The following L3MBTL4 variants were observed in gnomAD, a reference collection of about 807,000 sequenced individuals.
L3MBTL4 encodes L3MBTL histone methyl-lysine binding protein 4.
In L3MBTL4, 70 loss-of-function variants were observed where a neutral mutation model predicts 84.5. That is an observed-to-expected ratio of 0.83 (90% confidence interval 0.68 to 1.01). The LOEUF (loss-of-function observed/expected upper bound fraction) is 1.01. Ranked by LOEUF, L3MBTL4 falls within the 50% of genes least tolerant of loss-of-function variation. The pLI is 0.00. For synonymous variants in L3MBTL4, 274 were observed against 259.8 expected (o/e 1.05, Z -0.52); for missense variants, 715 against 754.8 (o/e 0.95, Z 0.62).
chr18:6,151,866 C>T (rs908920962), intron 13 of L3MBTL4, among the ~76,000 whole-genome samples: 2 of 152,150 alleles, frequency 1.3e-5, no homozygotes, highest in African/African-American at 4.8e-5. Flanking sequence ...CAAGTTTGTA[C>T]ATTTGGCCAA....
At position 6,140,603 on chromosome 18, in the gene L3MBTL4, G is replaced by A. The variant is rs542263723; in HGVS notation, c.1097-2307C>T. Among the ~76,000 whole-genome samples, 6 of 152,114 alleles carry A rather than the reference G, an allele frequency of 3.9e-5. No individual in the cohort carries two copies. In the South Asian group the frequency reaches 1.0e-3, roughly 26 times the overall value. On this transcript the variant is annotated intron_variant, in intron 13 of 18. Coordinates refer to ENST00000317931, the MANE Select transcript of L3MBTL4 (RefSeq NM_001330559.2). ...TCCCCTCCTTCCTTTCCACTGCAGT[G>A]TGGGACGCACTTTCCCCTCTCCAAA... is the stretch of plus-strand genomic sequence containing the variant.
At chr18:6,232,439 G>T (rs1395879011) in intron 10 of L3MBTL4, among the ~76,000 whole-genome samples, 1 of 151,960 alleles carries the variant, frequency 6.6e-6, no homozygotes, top group Non-Finnish European at 1.5e-5. Flanking sequence ...TCTGTTTTTT[G>T]GAAAAGTTTG....
At position 6,006,750 on chromosome 18, in the gene L3MBTL4, C is replaced by A. The variant is rs79676070; in HGVS notation, c.1445-37188G>T. Among the ~76,000 whole-genome samples, 500 of 152,252 alleles carry A rather than the reference C, an allele frequency of 3.3e-3. 5 individuals carry two copies. The highest frequency in any genetic ancestry group is 0.012 in the African/African-American group (487 of 41,550). On this transcript the variant is annotated intron_variant, in intron 16 of 18. Transcript: ENST00000317931. ...ATAGTTAAATAATGTGGCACAAGTA[C>A]ATAGACAGACCAACAGAGCAGAATA...
intron 16 of L3MBTL4, 22 bp from the exon 17 acceptor site, chr18:5,969,584 G>A: frequency 6.4e-7 from 1 of 1,571,674 alleles, no homozygotes; most frequent in Non-Finnish European, 8.7e-7. Context: ...GTGGGGTGGG[G>A]TGAGGCTCAG....
chr18:6,174,688 G>A (rs3865424), intron 12 of L3MBTL4, among the ~76,000 whole-genome samples: 21,676 of 150,946 alleles, frequency 0.14, 1,670 homozygotes, highest in Middle Eastern at 0.21. Flanking sequence ...TGGCCAACAC[G>A]GTGAAGCCCC....
At chr18:6,120,234 C>T (rs1346589376) in intron 14 of L3MBTL4, among the ~76,000 whole-genome samples, 2 of 152,194 alleles carry the variant, frequency 1.3e-5, no homozygotes, top group Non-Finnish European at 2.9e-5. Context: ...CCACGTGCCT[C>T]CTAAGGTGGT....
At chr18:6,076,960 C>T (rs2057875754) in intron 16 of L3MBTL4, among the ~76,000 whole-genome samples, 1 of 152,126 alleles carries the variant, frequency 6.6e-6, no homozygotes, top group African/African-American at 2.4e-5. Context: ...CAGGACAGAG[C>T]ACCTGGATGA....
intron 5 of L3MBTL4, among the ~76,000 whole-genome samples, chr18:6,257,054 A>G (rs966883459): frequency 6.6e-6 from 1 of 152,204 alleles, no homozygotes; most frequent in Non-Finnish European, 1.5e-5. Context: ...CAAGTCATCT[A>G]TATGCCAGGC....
intron 14 of L3MBTL4, among the ~76,000 whole-genome samples, chr18:6,126,486 T>C (rs1002843964): frequency 6.6e-6 from 1 of 152,202 alleles, no homozygotes; most frequent in African/African-American, 2.4e-5. Flanking sequence ...AAGGATACAG[T>C]TCCTACAACC....
At chr18:6,408,439 A>G (rs2055825848) in intron 1 of L3MBTL4, among the ~76,000 whole-genome samples, 1 of 152,216 alleles carries the variant, frequency 6.6e-6, no homozygotes, top group Non-Finnish European at 1.5e-5. Flanking sequence ...TGTTTCTCTT[A>G]GCAGTATCCT....
chr18:6,309,903 A>G (rs971738782), intron 3 of L3MBTL4, among the ~76,000 whole-genome samples: 4 of 152,206 alleles, frequency 2.6e-5, no homozygotes, highest in Admixed American at 2.6e-4. Flanking sequence ...TAACTGTAAC[A>G]TGCTTAGCGG....
At chr18:6,144,196 C>CGAAAAAAA (rs2042548099) in intron 13 of L3MBTL4, among the ~76,000 whole-genome samples, 1 of 58,060 alleles carries the variant, frequency 1.7e-5, no homozygotes, top group African/African-American at 6.1e-5. Flanking sequence ...ACTCCATCTC[C>CGAAAAAAA]AAAAAAAAAA....
intron 5 of L3MBTL4, among the ~76,000 whole-genome samples, chr18:6,244,799 T>C (rs77991590): frequency 0.036 from 5,459 of 152,210 alleles, 319 homozygotes; most frequent in African/African-American, 0.12. Flanking sequence ...GAATAAATGG[T>C]AAGTATTTAA....
At chr18:6,050,180 G>A (rs1036551994) in intron 16 of L3MBTL4, among the ~76,000 whole-genome samples, 3 of 152,152 alleles carry the variant, frequency 2.0e-5, no homozygotes, top group African/African-American at 4.8e-5. Flanking sequence ...TGCGACATGG[G>A]AGGGTACTGG....
chr18:6,113,582 G>A (rs1235997958), intron 14 of L3MBTL4, among the ~76,000 whole-genome samples: 1 of 151,864 alleles, frequency 6.6e-6, no homozygotes, highest in Non-Finnish European at 1.5e-5. Flanking sequence ...GGCTCCTGTA[G>A]GCTCCTTTGA....
intron 16 of L3MBTL4, among the ~76,000 whole-genome samples, chr18:6,073,102 T>C (rs2057742369): frequency 6.7e-6 from 1 of 149,376 alleles, no homozygotes; most frequent in Admixed American, 6.7e-5. Flanking sequence ...CAAAAATTGG[T>C]CCATTGTAAA....
At chr18:6,161,986 G>T (rs1385222496) in intron 13 of L3MBTL4, among the ~76,000 whole-genome samples, 1 of 150,962 alleles carries the variant, frequency 6.6e-6, no homozygotes, top group Non-Finnish European at 1.5e-5. Context: ...GTGTGTGTGT[G>T]TATGTACGCA....
Position 6,311,654 on chromosome 18 carries a change from T to G in L3MBTL4, c.-29A>C, listed in dbSNP as rs2050839677. On this transcript the variant is annotated splice_region_variant and 5_prime_UTR_variant, in exon 3 of 19. Coordinates refer to ENST00000317931, the MANE Select transcript of L3MBTL4 (RefSeq NM_001330559.2). The stretch of plus-strand genomic sequence containing the variant: ...CACCCCCGCACTCCTTGGCAGTGGT[T>G]TTCTGTAAAACAGGGTTACATAAGA... 9.4e-6 allele frequency: 15 copies of G among 1,595,526 alleles called. No individual in the cohort carries two copies. The highest frequency in any genetic ancestry group is 1.3e-5 in the Non-Finnish European group (15 of 1,163,398).
At chr18:6,267,160 C>A (rs1056059354) in intron 4 of L3MBTL4, among the ~76,000 whole-genome samples, 6 of 151,988 alleles carry the variant, frequency 3.9e-5, no homozygotes, top group African/African-American at 1.2e-4. Context: ...TAAAGAAAAA[C>A]ATCATATCAA....
Sources: gnomAD v4.1 joint callset for allele counts (sites outside exome capture counted in the v4.1 genomes callset) on GRCh38, gnomAD v4.1.1 for gene constraint, MANE v1.5 for transcripts, NCBI Gene and HGNC (gene_info 2026-07-23, HGNC 2026-07-21) for gene names.